FSTL4: variants seen among roughly 807,000 people sequenced by gnomAD.
FSTL4 encodes follistatin-related protein 4.
A neutral mutation model predicts 78.2 loss-of-function variants in FSTL4; 28 were observed. That is an observed-to-expected ratio of 0.36 (90% confidence interval 0.27 to 0.49). The LOEUF (loss-of-function observed/expected upper bound fraction) is 0.49. Ranked by LOEUF, FSTL4 falls within the 20% of genes least tolerant of loss-of-function variation. The probability of loss-of-function intolerance (pLI) is 0.98; values close to 1 mark genes in which losing one functional copy is unlikely to be tolerated. For missense variants in FSTL4, 922 were observed against 1,084.9 expected, an observed-to-expected ratio of 0.85 and a Z score of 2.11; for synonymous variants, 422 against 440.5, an observed-to-expected ratio of 0.96 and a Z score of 0.53.
chr5:133,515,688 TAA>T (rs72311535), intron 3 of FSTL4, among the ~76,000 whole-genome samples: 1,587 of 148,004 alleles, frequency 0.011, 34 homozygotes, highest in African/African-American at 0.037. Flanking sequence ...TTTTTTTTTT[TAA>T]AAAAAAGCAA....
chr5:133,720,070 G>A, the FSTL4 span, among the ~76,000 whole-genome samples: 1 of 152,180 alleles, frequency 6.6e-6, no homozygotes. Flanking sequence ...GGAGATAGGT[G>A]TATAACAGGC....
intron 2 of FSTL4, among the ~76,000 whole-genome samples, chr5:133,595,135 A>G (rs1419487998): frequency 6.6e-6 from 1 of 152,214 alleles, no homozygotes; most frequent in Non-Finnish European, 1.5e-5. Flanking sequence ...GCCTCTGCAG[A>G]GGAAACAGTC....
chr5:133,723,839 G>A, the FSTL4 span, among the ~76,000 whole-genome samples: 1 of 152,182 alleles, frequency 6.6e-6, no homozygotes, highest in African/African-American at 2.4e-5. Flanking sequence ...ATTGGCTGGG[G>A]AACCACTTCA....
intron 3 of FSTL4, among the ~76,000 whole-genome samples, chr5:133,557,817 A>G (rs1000942283): frequency 1.3e-5 from 2 of 152,206 alleles, no homozygotes; most frequent in African/African-American, 4.8e-5. Context: ...CATAAGCCAT[A>G]AGTCCTCTTT....
the FSTL4 span, among the ~76,000 whole-genome samples, chr5:133,797,505 A>G: frequency 6.6e-6 from 1 of 152,146 alleles, no homozygotes; most frequent in African/African-American, 2.4e-5. Context: ...TAGGATCTCT[A>G]TTTTAGCATT....
At chr5:133,217,404 A>G (rs767286839) in intron 12 of FSTL4, 26 bp from the exon 13 acceptor site, 1 of 1,610,496 alleles carries the variant, frequency 6.2e-7, no homozygotes, top group Admixed American at 1.7e-5. Context: ...GCTGTCATAT[A>G]TCTTCTTAAT....
chr5:133,350,644 G>A (rs1432445533), intron 4 of FSTL4, among the ~76,000 whole-genome samples: 1 of 152,210 alleles, frequency 6.6e-6, no homozygotes, highest in African/African-American at 2.4e-5. Context: ...CTGTCTTTAT[G>A]TAAAAGAATA....
chr5:133,475,185 C>T (rs1757904204), intron 3 of FSTL4, among the ~76,000 whole-genome samples: 1 of 152,210 alleles, frequency 6.6e-6, no homozygotes, highest in Non-Finnish European at 1.5e-5. Context: ...GGCTCCTGTT[C>T]CCGAGAATTT....
In FSTL4 at chr5:133,236,851, G is replaced by T. The variant is rs60392076; in HGVS notation, c.895-3314C>A. Among the ~76,000 whole-genome samples, 16,725 of 152,242 alleles carry T rather than the reference G, an allele frequency of 0.11. 1,011 individuals carry two copies. The highest frequency in any genetic ancestry group is 0.17 in the Admixed American group (2,546 of 15,296). On this transcript the variant is annotated intron_variant, in intron 7 of 15. Coordinates refer to ENST00000265342, the MANE Select transcript of FSTL4 (RefSeq NM_015082.2). This position sits in a 1 kb window ranked among gnomAD's most constrained non-coding sequence, Gnocchi z 5.0. ...CCCCACACCCTGCTTGGCGCCTCCT[G>T]TGGACGCACTGCTGTGCCGCCTGCT...
intron 13 of FSTL4, among the ~76,000 whole-genome samples, chr5:133,213,522 G>A (rs1750811391): frequency 6.6e-6 from 1 of 152,156 alleles, no homozygotes; most frequent in Admixed American, 6.5e-5. Flanking sequence ...TGAAGGAGTT[G>A]AAGTGTTTTA....
rs200162294 is a variant in FSTL4, at chr5:133,348,531, GA to G, written c.410-31880del. Among the ~76,000 whole-genome samples the G allele has an allele frequency of 2.5e-3, 376 of 152,382 alleles. 1 individual carries two copies. The highest frequency in any genetic ancestry group is 8.6e-3 in the African/African-American group (358 of 41,598). ...TGGTGGGGGTCCCAGGATGCCATGG[GA>G]AAGGGGCTGCAAGCCTGTGAGAGCC... is the stretch of plus-strand genomic sequence containing the variant. On this transcript the variant is annotated intron_variant, in intron 4 of 15. Coordinates refer to ENST00000265342, the MANE Select transcript of FSTL4 (RefSeq NM_015082.2).
chr5:133,380,815 C>CATATAT (rs34021720), intron 4 of FSTL4, among the ~76,000 whole-genome samples: 1,692 of 148,740 alleles, frequency 0.011, 12 homozygotes, highest in Non-Finnish European at 0.02. Flanking sequence ...AAATATATAT[C>CATATAT]ATATATATAT....
chr5:133,387,341 A>G (rs1204397121), intron 4 of FSTL4, among the ~76,000 whole-genome samples: 1 of 152,200 alleles, frequency 6.6e-6, no homozygotes, highest in East Asian at 1.9e-4. Flanking sequence ...AACACCAACT[A>G]GGAAAAGGAG....
chr5:133,662,916 T>G, the FSTL4 span, among the ~76,000 whole-genome samples: 1 of 152,088 alleles, frequency 6.6e-6, no homozygotes, highest in African/African-American at 2.4e-5. Flanking sequence ...CATCCAATAA[T>G]TTAAGATCAA....
rs1191690995 is a variant in FSTL4, at chr5:133,426,735, A to G, written c.161-25749T>C. 6.6e-6 allele frequency among the ~76,000 whole-genome samples: 1 copy of G among 152,186 alleles called. No individual in the cohort carries two copies. The highest frequency in any genetic ancestry group is 1.5e-5 in the Non-Finnish European group (1 of 68,034). On this transcript the variant is annotated intron_variant, in intron 3 of 15. Transcript: ENST00000265342. The surrounding 1 kb of genome is among the most constrained non-coding windows in gnomAD (Gnocchi z 5.0). ...CAGTCCTGTTATTTCCCAGGGAGAC[A>G]GTCAGCCAGTTCTGCTTTAATAATG...
intron 2 of FSTL4, among the ~76,000 whole-genome samples, chr5:133,567,759 A>C (rs945993459): frequency 1.2e-4 from 18 of 152,256 alleles, no homozygotes; most frequent in Non-Finnish European, 1.9e-4. Flanking sequence ...TAGCCAGTTC[A>C]TGCCACTGGA....
chr5:133,694,314 C>T, the FSTL4 span, among the ~76,000 whole-genome samples: 1 of 152,254 alleles, frequency 6.6e-6, no homozygotes, highest in African/African-American at 2.4e-5. Flanking sequence ...CAGATATACC[C>T]GAGGGCCTAA....
the FSTL4 span, among the ~76,000 whole-genome samples, chr5:133,712,217 G>A: frequency 6.6e-6 from 1 of 152,188 alleles, no homozygotes; most frequent in Non-Finnish European, 1.5e-5. Context: ...TGGATGTGGG[G>A]AGCATAATTC....
intron 3 of FSTL4, among the ~76,000 whole-genome samples, chr5:133,503,995 C>T (rs193171109): frequency 7.2e-4 from 110 of 152,138 alleles, no homozygotes; most frequent in Non-Finnish European, 1.3e-3. Context: ...GAATGAGAGC[C>T]GAGCAAAGGG....
Sources: gnomAD v4.1 joint callset for allele counts (sites outside exome capture counted in the v4.1 genomes callset) on GRCh38, gnomAD v4.1.1 for gene constraint, Gnocchi (gnomAD v3.1) non-coding constraint, MANE v1.5 for transcripts, NCBI Gene and HGNC (gene_info 2026-07-23, HGNC 2026-07-21) for gene names.